Variants in GNG2 observed in about 807,000 individuals in gnomAD.
GNG2 encodes the protein G protein subunit gamma 2, also known as guanine nucleotide-binding protein G(I)/G(S)/G(O) subunit gamma-2.
A neutral mutation model predicts 5.5 loss-of-function variants in GNG2; 5 were observed. The observed-to-expected ratio is 0.91, with a 90% CI of 0.48 to 1.92. The LOEUF (loss-of-function observed/expected upper bound fraction) is 1.92, where lower values mean the gene tolerates loss of function less well. Ranked by LOEUF, GNG2 falls within the 30% of genes most tolerant of loss-of-function variation. GNG2 has a pLI of 0.01. For synonymous variants in GNG2, 28 were observed against 32.0 expected (o/e 0.88, Z 0.42); for missense variants, 55 against 88.4 (o/e 0.62, Z 1.52).
intron 2 of GNG2, among the ~76,000 whole-genome samples, chr14:51,892,922 A>T (rs10146408): frequency 0.12 from 18,668 of 152,266 alleles, 2,197 homozygotes; most frequent in African/African-American, 0.31. Context: ...CAAATATAAA[A>T]GTTAATGTGC....
At chr14:51,842,453 C>T (rs563506041) in intron 2 of GNG2, among the ~76,000 whole-genome samples, 2 of 152,268 alleles carry the variant, frequency 1.3e-5, no homozygotes, top group South Asian at 4.2e-4. Context: ...ATTTCTTTTG[C>T]AGCAGCCGCA....
intron 2 of GNG2, among the ~76,000 whole-genome samples, chr14:51,836,961 G>C (rs1013114288): frequency 1.3e-5 from 2 of 149,642 alleles, no homozygotes; most frequent in South Asian, 2.1e-4. Flanking sequence ...GGGTTCAAGC[G>C]ATTCTCCTGC....
intron 2 of GNG2, among the ~76,000 whole-genome samples, chr14:51,901,272 A>G (rs946417571): frequency 6.6e-5 from 10 of 151,790 alleles, no homozygotes; most frequent in African/African-American, 2.4e-4. Context: ...CAGAGCCTCA[A>G]CCTCCCAGGC....
intron 2 of GNG2, among the ~76,000 whole-genome samples, chr14:51,938,230 A>G (rs1435588259): frequency 6.6e-6 from 1 of 152,214 alleles, no homozygotes; most frequent in East Asian, 1.9e-4. Flanking sequence ...CCCGCTTAGG[A>G]TTGCTCATGA....
chr14:51,843,330 C>T (rs1017451610), intron 2 of GNG2, among the ~76,000 whole-genome samples: 22 of 152,108 alleles, frequency 1.4e-4, no homozygotes, highest in Non-Finnish European at 8.8e-5. Flanking sequence ...CAGACATACC[C>T]AGACACCTGA....
At chr14:51,856,835 T>C (rs940544602), upstream of GNG2, among the ~76,000 whole-genome samples, 2 of 152,256 alleles carry the variant, frequency 1.3e-5, no homozygotes, top group African/African-American at 4.8e-5. Flanking sequence ...TTTTTAGGCT[T>C]GCCCATATAA....
At chr14:51,864,874 GACA>G in intron 1 of GNG2, among the ~76,000 whole-genome samples, 1 of 152,298 alleles carries the variant, frequency 6.6e-6, no homozygotes, top group South Asian at 2.1e-4. Flanking sequence ...AAGTTTCTGA[GACA>G]ACAAGTTTCT....
At chr14:51,876,982 G>A (rs766854070) in intron 1 of GNG2, among the ~76,000 whole-genome samples, 98 of 152,128 alleles carry the variant, frequency 6.4e-4, no homozygotes, top group Non-Finnish European at 1.2e-3. Flanking sequence ...ACTTTCTCCC[G>A]TAGGAACCAC....
intron 2 of GNG2, among the ~76,000 whole-genome samples, chr14:51,846,078 ACT>A (rs1881616823): frequency 6.6e-6 from 1 of 152,156 alleles, no homozygotes; most frequent in African/African-American, 2.4e-5. Context: ...AGCACCAGTA[ACT>A]CTGTGAATCC....
intron 2 of GNG2, among the ~76,000 whole-genome samples, chr14:51,903,377 T>A (rs978579906): frequency 6.6e-6 from 1 of 152,244 alleles, no homozygotes; most frequent in African/African-American, 2.4e-5. Flanking sequence ...ATATTTTTGC[T>A]AGATGCAATG....
Position 51,966,587 on chromosome 14 carries a change from C to T in GNG2, c.116C>T (p.Ala39Val), listed in dbSNP as rs2140312085. ...TCCAAGGCAGCTGCAGATTTGATGGCCTACTGTGAAGCACATGCCAAGGAA... is the reference window on the plus strand; with the variant it reads ...TCCAAGGCAGCTGCAGATTTGATGGTCTACTGTGAAGCACATGCCAAGGAA... ...KVSKAAADLM[A>V]YCEAHAKEDP... Residue 39 changes from alanine (A) to valine (V), a missense_variant, in exon 4 of 4, where the codon GCC (alanine) becomes GTC (valine). Coordinates refer to ENST00000556766, the MANE Select transcript of GNG2 (RefSeq NM_053064.5). The T allele has an allele frequency of 6.2e-7, 1 of 1,613,546 alleles. No homozygotes were observed. The highest frequency in any genetic ancestry group is 8.5e-7 in the Non-Finnish European group (1 of 1,179,486).
At chr14:51,949,930 G>T (rs151100088) in intron 2 of GNG2, among the ~76,000 whole-genome samples, 1 of 152,058 alleles carries the variant, frequency 6.6e-6, no homozygotes, top group Non-Finnish European at 1.5e-5. Context: ...AAACCATCTC[G>T]CAATCTGCCT....
In GNG2 at chr14:51,864,882, G is replaced by A. The variant is rs545704289; in HGVS notation, c.-71+4092G>A. Among the ~76,000 whole-genome samples the A allele has an allele frequency of 9.9e-5, 15 of 152,254 alleles. No homozygotes were observed. In the East Asian group the frequency reaches 2.1e-3, roughly 22 times the overall value. On this transcript the variant is annotated intron_variant, in intron 1 of 3. Coordinates refer to ENST00000556766, the MANE Select transcript of GNG2 (RefSeq NM_053064.5). ...ATACAACAAGTTTCTGAGACAACAA[G>A]TTTCTACTAATGAAGTGTGATCCTA...
At chr14:51,869,955 C>T (rs1480298119) in intron 1 of GNG2, among the ~76,000 whole-genome samples, 1 of 152,148 alleles carries the variant, frequency 6.6e-6, no homozygotes, top group African/African-American at 2.4e-5. Context: ...CATGGAGCAG[C>T]CCAGGCTCGC....
chr14:51,937,642 A>G (rs1337526821), intron 2 of GNG2, among the ~76,000 whole-genome samples: 1 of 107,902 alleles, frequency 9.3e-6, no homozygotes, highest in Admixed American at 1.1e-4. Flanking sequence ...TTTTTTTATT[A>G]TACTCTAAGT....
chr14:51,828,255 T>A (rs1881084115), intron 2 of GNG2, among the ~76,000 whole-genome samples: 1 of 152,022 alleles, frequency 6.6e-6, no homozygotes, highest in Non-Finnish European at 1.5e-5. Context: ...GAACAGGAGG[T>A]GGCAGAGCCT....
chr14:51,863,241 C>T (rs1594848806), intron 1 of GNG2, among the ~76,000 whole-genome samples: 1 of 152,164 alleles, frequency 6.6e-6, no homozygotes, highest in Non-Finnish European at 1.5e-5. Flanking sequence ...GGCTTTGGAG[C>T]CAGGCAGATC....
rs142523540 is a variant in GNG2, at chr14:51,904,260, C to T, written c.-30+26603C>T. ...CTGCCATCACACCCACATGTACCAT[C>T]ACTGATTCTCCACATTACCAGCTTC... On this transcript the variant is annotated intron_variant, in intron 2 of 3. Transcript: ENST00000556766. Among the ~76,000 whole-genome samples, 746 of 152,316 alleles carry T rather than the reference C, an allele frequency of 4.9e-3. 10 individuals carry two copies. Among genetic ancestry groups the T allele is most frequent in the South Asian group, 0.042 (202 of 4,826 alleles).
At chr14:51,828,347 G>C (rs1288181707) in intron 2 of GNG2, among the ~76,000 whole-genome samples, 1 of 152,214 alleles carries the variant, frequency 6.6e-6, no homozygotes, top group Non-Finnish European at 1.5e-5. Context: ...GCAGGGAGCT[G>C]TGCCTGCCTG....
Sources: allele counts gnomAD v4.1 joint callset (sites outside exome capture counted in the v4.1 genomes callset), GRCh38; gene constraint gnomAD v4.1.1; transcripts MANE v1.5; gene names NCBI Gene and HGNC (gene_info 2026-07-23, HGNC 2026-07-21).